The following C11orf71 variants were observed in gnomAD, a reference collection of about 807,000 sequenced individuals.
The protein encoded by C11orf71 is uncharacterized protein C11orf71.
For missense variants in C11orf71, 179 were observed against 167.6 expected, an observed-to-expected ratio of 1.07 and a Z score of -0.38; for synonymous variants, 72 against 73.4, an observed-to-expected ratio of 0.98 and a Z score of 0.09.
chr11:114,397,591 A>G (rs1172739676), downstream of C11orf71, among the ~76,000 whole-genome samples: 3 of 152,178 alleles, frequency 2.0e-5, no homozygotes, highest in Non-Finnish European at 4.4e-5. Flanking sequence ...CTATTATTCA[A>G]CCAAAGCCCT....
In C11orf71 at chr11:114,399,224, G is replaced by T. The variant is rs1224113720; in HGVS notation, c.*736C>A. The T allele has an allele frequency of 2.0e-5, 3 of 152,116 alleles. No homozygotes were observed. Among genetic ancestry groups the T allele is most frequent in the Non-Finnish European group, 4.4e-5 (3 of 68,030 alleles). 9.4% of individuals were successfully genotyped at this position (152,116 alleles called of 1,614,324 possible). ...AAATTCATACAGTGTTTACTACAGG[G>T]ATCCCCAAATATTGTTAGTTGAATG... On this transcript the variant is annotated 3_prime_UTR_variant, in exon 1 of 1. Transcript: ENST00000623205.
Position 114,400,077 on chromosome 11 carries a change from G to GCGGCTC in C11orf71, c.249_254dup (p.Ser84_Arg85dup). ...TTGGGTAAGGTGAGAATCTGGCTTG[G>GCGGCTC]CGGCTCCGGCCCCGGCCATCTGGTT... On this transcript the variant is annotated inframe_insertion, in exon 1 of 1. Transcript: ENST00000623205. The GCGGCTC allele has an allele frequency of 6.2e-7, 1 of 1,613,954 alleles. No homozygotes were observed. The highest frequency in any genetic ancestry group is 2.2e-5 in the East Asian group (1 of 44,874).
chr11:114,394,187 T>TCTTTC (rs1946096860), downstream of C11orf71, among the ~76,000 whole-genome samples: 1 of 43,658 alleles, frequency 2.3e-5, no homozygotes, highest in Non-Finnish European at 4.4e-5. Context: ...TCGTTTCTTT[T>TCTTTC]CTTTTCTTTT....
At chr11:114,393,004 G>T (rs182190192) in intron 1 of C11orf71, among the ~76,000 whole-genome samples, 11 of 152,322 alleles carry the variant, frequency 7.2e-5, no homozygotes, top group Admixed American at 4.6e-4. Flanking sequence ...AGAATGGTTA[G>T]TACATTTAGA....
downstream of C11orf71, among the ~76,000 whole-genome samples, chr11:114,397,537 A>C (rs183038875): frequency 2.0e-3 from 311 of 152,318 alleles, 2 homozygotes; most frequent in African/African-American, 7.2e-3. Flanking sequence ...TCTCTTGCCA[A>C]ACAAAACACA....
At chr11:114,392,689 G>A (rs886459132) in intron 1 of C11orf71, among the ~76,000 whole-genome samples, 7 of 148,632 alleles carry the variant, frequency 4.7e-5, no homozygotes, top group East Asian at 3.9e-4. Context: ...CATGATCACC[G>A]CACTGCACCC....
In C11orf71 at chr11:114,391,582, C is replaced by A. The variant is rs1357877981; in HGVS notation, c.427G>T (p.Glu143Ter). 42 of 1,525,786 alleles carry A rather than the reference C, an allele frequency of 2.8e-5. No individual in the cohort carries two copies. The highest frequency in any genetic ancestry group is 3.6e-5 in the Non-Finnish European group (41 of 1,134,726). 94.5% of individuals were successfully genotyped at this position (1,525,786 alleles called of 1,614,324 possible). A position where few individuals can be genotyped will look rare whatever the true frequency, so the allele number is the denominator to read the frequency against. The change falls in exon 2 of 2, where the codon GAA (glutamate) becomes TAA (stop). Residue 143 changes from glutamate to a stop codon, truncating the protein, a stop_gained. Coordinates refer to the C11orf71 transcript ENST00000325636. LOFTEE classifies it high-confidence loss of function. ...AAATCAGTTCATATTACTAAAATTT[C>A]AAAAATATTTGAATGGCTGCATGTT...
At chr11:114,394,032 T>C (rs532673956), downstream of C11orf71, among the ~76,000 whole-genome samples, 1 of 151,948 alleles carries the variant, frequency 6.6e-6, no homozygotes, top group Non-Finnish European at 1.5e-5. Context: ...CAGGCTGGAG[T>C]GCAGTGGTGC....
downstream of C11orf71, among the ~76,000 whole-genome samples, chr11:114,395,243 GCT>G (rs1156529681): frequency 5.9e-5 from 9 of 152,272 alleles, no homozygotes; most frequent in Non-Finnish European, 1.2e-4. Flanking sequence ...TGCCTTCCCA[GCT>G]CTGTCAGTCA....
chr11:114,400,079 G>C lies in C11orf71; in HGVS notation c.253C>G (p.Arg85Gly). 6.2e-7 allele frequency: 1 copy of C among 1,613,950 alleles called. No homozygotes were observed. The highest frequency in any genetic ancestry group is 8.5e-7 in the Non-Finnish European group (1 of 1,179,892). ...GGGTAAGGTGAGAATCTGGCTTGGC[G>C]GCTCCGGCCCCGGCCATCTGGTTCC... ...PREPDGRGRS[R>G]QARFSPYPIP... The change falls in exon 1 of 1, where the codon CGC (arginine) becomes GGC (glycine). Residue 85 changes from arginine to glycine, a missense_variant. Arg to Gly is a moderately radical substitution (Grantham distance 125). Coordinates refer to ENST00000623205, the MANE Select transcript of C11orf71 (RefSeq NM_001271562.2).
At chr11:114,396,368 G>A (rs1034705350), downstream of C11orf71, among the ~76,000 whole-genome samples, 1 of 152,122 alleles carries the variant, frequency 6.6e-6, no homozygotes, top group African/African-American at 2.4e-5. Context: ...CAAATTTATT[G>A]GCCTCATGCC....
downstream of C11orf71, among the ~76,000 whole-genome samples, chr11:114,394,184 T>C (rs566448308): frequency 2.0e-5 from 1 of 49,540 alleles, no homozygotes; most frequent in African/African-American, 1.0e-4. Context: ...GTTTCGTTTC[T>C]TTTCTTTTCT....
chr11:114,391,569 AT>A lies in C11orf71; in HGVS notation c.439del (p.Ile147TyrfsTer26). 1 of 1,510,876 alleles carries A rather than the reference AT, an allele frequency of 6.6e-7. No individual in the cohort carries two copies. Among genetic ancestry groups the A allele is most frequent in the Non-Finnish European group, 8.9e-7 (1 of 1,122,046 alleles). The allele number at this position is 1,510,876 out of a possible 1,614,324, so 93.6% of individuals were successfully genotyped here. A position where few individuals can be genotyped will look rare whatever the true frequency, so the allele number is the denominator to read the frequency against. ...GTAATTATATCACAAATCAGTTCAT[AT>A]TACTAAAATTTCAAAAATATTTGAA... On this transcript the variant is annotated frameshift_variant, in exon 2 of 2. Transcript: ENST00000325636. LOFTEE classifies it high-confidence loss of function.
chr11:114,393,631 C>T (rs918104729), downstream of C11orf71, among the ~76,000 whole-genome samples: 1 of 152,102 alleles, frequency 6.6e-6, no homozygotes, highest in Non-Finnish European at 1.5e-5. Context: ...GATGAGCATT[C>T]GCTATTGATT....
intron 1 of C11orf71, chr11:114,391,730 C>A: frequency 4.8e-6 from 3 of 625,972 alleles, no homozygotes; most frequent in South Asian, 5.7e-5. Flanking sequence ...AATGCATGTC[C>A]CAGCAAAAGG....
rs1946173792 is a variant in C11orf71 at position 114,400,181 on chromosome 11, G to A, written c.151C>T (p.Leu51=). 6.2e-7 allele frequency: 1 copy of A among 1,613,776 alleles called. No homozygotes were observed. Among genetic ancestry groups the A allele is most frequent in the Non-Finnish European group, 8.5e-7 (1 of 1,179,876 alleles). Residue 51 remains leucine (L), a synonymous_variant, in exon 1 of 1, where the codon CTA becomes TTA. Coordinates refer to ENST00000623205, the MANE Select transcript of C11orf71 (RefSeq NM_001271562.2). ...FLVSRPEAIH[L]GPRQAVRPSV... is the part of the protein sequence containing the mutation. ...GGTCGCACCGCCTGCCGAGGTCCTA[G>A]ATGAATCGCTTCAGGCCTGGAAACG...
At chr11:114,392,712 A>T (rs1001496539) in intron 1 of C11orf71, among the ~76,000 whole-genome samples, 1 of 150,988 alleles carries the variant, frequency 6.6e-6, no homozygotes, top group Non-Finnish European at 1.5e-5. Flanking sequence ...GAGCCTGAGC[A>T]ATAGAGTAAG....
chr11:114,394,200 TTTCTTTTCTTTTCTTTTC>T (rs1216020794), downstream of C11orf71, among the ~76,000 whole-genome samples: 1 of 43,268 alleles, frequency 2.3e-5, no homozygotes, highest in Non-Finnish European at 4.2e-5. Context: ...TTTCTTTTCT[TTTCTTTTCTTTTCTTTTC>T]TTTTCTTTTC....
chr11:114,393,582 A>C (rs1190990532), downstream of C11orf71, among the ~76,000 whole-genome samples: 1 of 152,228 alleles, frequency 6.6e-6, no homozygotes, highest in African/African-American at 2.4e-5. Flanking sequence ...CATTTTGAAG[A>C]TGAAATACAC....
Sources: gnomAD v4.1 joint callset for allele counts (sites outside exome capture counted in the v4.1 genomes callset) on GRCh38, gnomAD v4.1.1 for gene constraint, MANE v1.5 for transcripts, NCBI Gene and HGNC (gene_info 2026-07-23, HGNC 2026-07-21) for gene names.